Variants in MYT1L observed in about 807,000 individuals in gnomAD.
MYT1L encodes myelin transcription factor 1 like, also known as myelin transcription factor 1-like protein.
Under a neutral mutation model 126.7 loss-of-function variants are expected in MYT1L, and 12 were observed. That is an observed-to-expected ratio of 0.09 (90% confidence interval 0.06 to 0.15). The LOEUF (loss-of-function observed/expected upper bound fraction) is 0.15. Among genes scored for constraint, MYT1L ranks in the 10% least tolerant of loss-of-function variants. The probability of loss-of-function intolerance (pLI) is 1.00; values close to 1 mark genes in which losing one functional copy is unlikely to be tolerated. For synonymous variants in MYT1L, 541 were observed against 604.2 expected, an observed-to-expected ratio of 0.90 and a Z score of 1.53; for missense variants, 979 against 1,585.2, an observed-to-expected ratio of 0.62 and a Z score of 6.49.
intron 3 of MYT1L, among the ~76,000 whole-genome samples, chr2:2,158,980 T>G (rs2087280476): frequency 6.6e-6 from 1 of 152,208 alleles, no homozygotes; most frequent in African/African-American, 2.4e-5. Flanking sequence ...GGATCGGTGT[T>G]ACAGCACATA....
chr2:1,958,306 G>T (rs1343637559), intron 8 of MYT1L, among the ~76,000 whole-genome samples: 1 of 151,862 alleles, frequency 6.6e-6, no homozygotes, highest in Non-Finnish European at 1.5e-5. Flanking sequence ...GGTGGCTACT[G>T]CAGATGGAAC....
In MYT1L at chr2:1,890,624, T is replaced by C. The variant is rs142612975; in HGVS notation, c.2284-1147A>G. Reference sequence around the variant, plus strand: ...CCTCTCAGGAAGAGAGTCAGAAGAATGGACACATGGACAGAAAGTTAAAAA... The same window carrying C: ...CCTCTCAGGAAGAGAGTCAGAAGAACGGACACATGGACAGAAAGTTAAAAA... On this transcript the variant is annotated intron_variant, in intron 15 of 24. Coordinates refer to ENST00000647738, the MANE Select transcript of MYT1L (RefSeq NM_001303052.2). Among the ~76,000 whole-genome samples, 11 of 151,966 alleles carry C rather than the reference T, an allele frequency of 7.2e-5. 1 individual carries two copies. The highest frequency in any genetic ancestry group is 2.7e-4 in the African/African-American group (11 of 41,378).
At chr2:1,959,215 G>A (rs1300050074) in intron 8 of MYT1L, among the ~76,000 whole-genome samples, 3 of 152,172 alleles carry the variant, frequency 2.0e-5, no homozygotes, top group Admixed American at 2.0e-4. Context: ...GAAGCCATGC[G>A]GATCTGCTCT....
At chr2:2,311,795 C>A (rs1420303652) in intron 1 of MYT1L, among the ~76,000 whole-genome samples, 1 of 152,198 alleles carries the variant, frequency 6.6e-6, no homozygotes, top group Non-Finnish European at 1.5e-5. Context: ...TATATTTGGC[C>A]TACGGTGACT....
chr2:2,089,761 G>C (rs1365657294), intron 3 of MYT1L, among the ~76,000 whole-genome samples: 1 of 152,052 alleles, frequency 6.6e-6, no homozygotes, highest in Non-Finnish European at 1.5e-5. Flanking sequence ...CTCTGACTCT[G>C]TCTCTGTCTC....
At chr2:2,092,451 G>C (rs966940854) in intron 3 of MYT1L, among the ~76,000 whole-genome samples, 2 of 152,110 alleles carry the variant, frequency 1.3e-5, no homozygotes, top group African/African-American at 4.8e-5. Flanking sequence ...GATAACCAAA[G>C]CAGATATGAT....
intron 4 of MYT1L, among the ~76,000 whole-genome samples, chr2:2,040,348 G>T (rs188205822): frequency 5.9e-5 from 9 of 152,264 alleles, no homozygotes; most frequent in Middle Eastern, 3.4e-3. Context: ...CTTGGCTACA[G>T]GATGGAAAGT....
Position 2,275,245 on chromosome 2 carries a change from T to TGC in MYT1L, c.-421+9157_-421+9158dup, listed in dbSNP as rs1553617037. On this transcript the variant is annotated intron_variant, in intron 2 of 24. Transcript: ENST00000647738. ...GTGTGTGTGTGTGTGTGTGTGTGTGTGCATGCCTGTTATAGCAGTCATGTG... is the reference window on the plus strand; with the variant it reads ...GTGTGTGTGTGTGTGTGTGTGTGTGTGCGCATGCCTGTTATAGCAGTCATGTG... 3.4e-5 allele frequency among the ~76,000 whole-genome samples: 5 copies of TGC among 148,020 alleles called. No homozygotes were observed. In the East Asian group the frequency reaches 6.0e-4, roughly 18 times the overall value.
intron 3 of MYT1L, among the ~76,000 whole-genome samples, chr2:2,111,511 C>T (rs73911366): frequency 0.09 from 13,676 of 152,218 alleles, 797 homozygotes; most frequent in African/African-American, 0.17. Context: ...TTTTCAAATA[C>T]TAATTTTGAG....
chr2:1,870,241 G>C (rs1391952480), intron 18 of MYT1L, among the ~76,000 whole-genome samples: 1 of 152,220 alleles, frequency 6.6e-6, no homozygotes, highest in African/African-American at 2.4e-5. Flanking sequence ...TGGATTTGGG[G>C]AGGAGTCCTC....
chr2:2,300,695 G>A (rs796619366), intron 1 of MYT1L, among the ~76,000 whole-genome samples: 5 of 152,294 alleles, frequency 3.3e-5, no homozygotes, highest in African/African-American at 1.2e-4. Flanking sequence ...GGTGGTGTGG[G>A]AGGAGAGGGG....
chr2:1,886,941 A>G (rs2048250282), intron 17 of MYT1L: 3 of 402,964 alleles, frequency 7.4e-6, no homozygotes, highest in Non-Finnish European at 8.7e-6. Context: ...AGGTCAACAT[A>G]TAGCACTTAA....
intron 4 of MYT1L, among the ~76,000 whole-genome samples, chr2:2,004,858 G>T (rs1341201551): frequency 1.3e-5 from 2 of 150,404 alleles, no homozygotes; most frequent in Admixed American, 1.3e-4. Context: ...GCTCTTTCCT[G>T]CATGCGTTCT....
At chr2:2,088,325 T>C (rs955531037) in intron 3 of MYT1L, among the ~76,000 whole-genome samples, 3 of 152,192 alleles carry the variant, frequency 2.0e-5, no homozygotes, top group African/African-American at 7.2e-5. Context: ...TTCTCCTCCA[T>C]GGAAATGTCA....
chr2:2,276,037 C>T (rs1400840119), intron 2 of MYT1L, among the ~76,000 whole-genome samples: 1 of 151,938 alleles, frequency 6.6e-6, no homozygotes, highest in East Asian at 1.9e-4. Context: ...TTTTTTTATT[C>T]ATCTGTTGTG....
chr2:1,849,791 G>A (rs1419361835), intron 19 of MYT1L, among the ~76,000 whole-genome samples: 1 of 152,220 alleles, frequency 6.6e-6, no homozygotes. Flanking sequence ...GCTTTTCATA[G>A]ACACGTGCTG....
At chr2:2,067,001 C>G (rs903163010) in intron 3 of MYT1L, among the ~76,000 whole-genome samples, 1 of 152,186 alleles carries the variant, frequency 6.6e-6, no homozygotes, top group Admixed American at 6.5e-5. Flanking sequence ...ATTAGGAAAA[C>G]TTAATATGGT....
chr2:2,229,294 A>G (rs1275438423), intron 2 of MYT1L, among the ~76,000 whole-genome samples: 2 of 152,204 alleles, frequency 1.3e-5, no homozygotes, highest in Admixed American at 1.3e-4. Context: ...CCTATATATA[A>G]AAATAAATAT....
intron 3 of MYT1L, among the ~76,000 whole-genome samples, chr2:2,156,826 C>T (rs1399000705): frequency 6.6e-6 from 1 of 152,182 alleles, no homozygotes; most frequent in Non-Finnish European, 1.5e-5. Context: ...AGCAAAGCGG[C>T]TGTTGGAGAG....
Sources: gnomAD v4.1 joint callset for allele counts (sites outside exome capture counted in the v4.1 genomes callset) on GRCh38, gnomAD v4.1.1 for gene constraint, MANE v1.5 for transcripts, NCBI Gene and HGNC (gene_info 2026-07-23, HGNC 2026-07-21) for gene names.